DRC7: variants seen among roughly 807,000 people sequenced by gnomAD.
The protein encoded by DRC7 is coiled-coil domain containing 135.
DRC7 carries 80 observed loss-of-function variants against 104.4 expected under a neutral mutation model. The ratio of observed to expected loss-of-function variants is 0.77; its 90% CI spans 0.64 to 0.92. DRC7 has a LOEUF of 0.92. Ranked by LOEUF, DRC7 falls within the 40% of genes least tolerant of loss-of-function variation. The probability of loss-of-function intolerance (pLI) is 0.00; values close to 1 mark genes in which losing one functional copy is unlikely to be tolerated. For missense variants in DRC7, 1,034 were observed against 1,141.1 expected (o/e 0.91, Z 1.35); for synonymous variants, 405 against 447.3 (o/e 0.91, Z 1.19).
rs537511632 is a variant in DRC7, at chr16:57,709,575, A to C, written c.1077+1897A>C. The stretch of plus-strand genomic sequence containing the variant: ...TTTGTTTATATCAAATGTTTTTTTC[A>C]TCTATTAAATGATCATAATTTTTTC... On this transcript the variant is annotated intron_variant, in intron 8 of 18. Coordinates refer to ENST00000360716, the MANE Select transcript of DRC7 (RefSeq NM_001289162.2). Among the ~76,000 whole-genome samples the C allele has an allele frequency of 1.6e-4, 25 of 151,966 alleles. No individual in the cohort carries two copies. The Middle Eastern group carries it at 0.017, about 103-fold the overall frequency.
intron 8 of DRC7, among the ~76,000 whole-genome samples, chr16:57,709,486 C>G (rs76670334): frequency 0.019 from 2,829 of 151,810 alleles, 99 homozygotes; most frequent in African/African-American, 0.064. Flanking sequence ...AGCTAGCTAC[C>G]CTTTATTTAA....
intron 6 of DRC7, among the ~76,000 whole-genome samples, chr16:57,703,184 G>A (rs1376629963): frequency 7.3e-6 from 1 of 136,160 alleles, no homozygotes; most frequent in African/African-American, 2.8e-5. Context: ...TGGCCCTCAA[G>A]GCCCCTTTTT....
At chr16:57,706,782 A>T (rs1458725721) in intron 7 of DRC7, among the ~76,000 whole-genome samples, 6 of 125,554 alleles carry the variant, frequency 4.8e-5, no homozygotes, top group African/African-American at 1.9e-4. Context: ...TGTCTCACTC[A>T]TCCTCCCATC....
chr16:57,721,898 C>A (rs375407958), intron 10 of DRC7, among the ~76,000 whole-genome samples, 159 bp downstream of exon 10: 46 of 152,194 alleles, frequency 3.0e-4, no homozygotes, highest in Non-Finnish European at 4.6e-4. Flanking sequence ...CTCCCTCCCC[C>A]CTTCCTGCCA....
At chr16:57,715,404 G>A (rs1218049289) in intron 8 of DRC7, among the ~76,000 whole-genome samples, 1 of 152,220 alleles carries the variant, frequency 6.6e-6, no homozygotes, top group African/African-American at 2.4e-5. Flanking sequence ...AAGTAAATAA[G>A]TGTCAGAGGG....
In DRC7 at chr16:57,731,502, TC is replaced by T; in HGVS notation, c.*245del. 1.8e-6 allele frequency: 1 copy of T among 556,304 alleles called. No individual in the cohort carries two copies. Among genetic ancestry groups the T allele is most frequent in the Non-Finnish European group, 3.2e-6 (1 of 311,436 alleles). 34.5% of individuals were successfully genotyped at this position (556,304 alleles called of 1,614,324 possible). Reference sequence around the variant, plus strand: ...GCTCCAGCAGCAGCCTTTCTCTTCTTCTGTTATCTATAGCCTGGGACCACCC... The same window carrying T: ...GCTCCAGCAGCAGCCTTTCTCTTCTTTGTTATCTATAGCCTGGGACCACCC... On this transcript the variant is annotated 3_prime_UTR_variant, in exon 19 of 19. Coordinates refer to ENST00000360716, the MANE Select transcript of DRC7 (RefSeq NM_001289162.2).
At position 57,731,537 on chromosome 16, in the gene DRC7, C is replaced by A. The variant is rs1243577852; in HGVS notation, c.*279C>A. On this transcript the variant is annotated 3_prime_UTR_variant, in exon 19 of 19. Coordinates refer to ENST00000360716, the MANE Select transcript of DRC7 (RefSeq NM_001289162.2). ...ATAGCCTGGGACCACCCCCTTCCTC[C>A]CCTTGGCCTGTCGTTTGCTTCCTGT... 2 of 480,962 alleles carry A rather than the reference C, an allele frequency of 4.2e-6. No homozygotes were observed. The highest frequency in any genetic ancestry group is 2.0e-5 in the African/African-American group (1 of 51,190). The allele number at this position is 480,962 out of a possible 1,614,324, so 29.8% of individuals were successfully genotyped here. A position where few individuals can be genotyped will look rare whatever the true frequency, so the allele number is the denominator to read the frequency against.
At chr16:57,729,446 ATGGG>A in intron 17 of DRC7, among the ~76,000 whole-genome samples, 1 of 99,250 alleles carries the variant, frequency 1.0e-5, no homozygotes, top group Non-Finnish European at 2.0e-5. Context: ...AGATGGATGG[ATGGG>A]TGGGTGGATG....
At chr16:57,722,965 C>T in intron 11 of DRC7, 37 bp from the exon 12 acceptor site, 3 of 1,613,460 alleles carry the variant, frequency 1.9e-6, no homozygotes, top group Non-Finnish European at 2.5e-6. Context: ...GCTAGGGGAG[C>T]TGGCCTGGCT....
At chr16:57,709,733 A>G (rs1206691220) in intron 8 of DRC7, among the ~76,000 whole-genome samples, 2 of 152,184 alleles carry the variant, frequency 1.3e-5, no homozygotes, top group Admixed American at 1.3e-4. Flanking sequence ...TGCAACTATC[A>G]CCACTATCTA....
intron 14 of DRC7, 92 bp from the exon 15 acceptor site, chr16:57,726,740 C>T: frequency 1.4e-6 from 1 of 725,390 alleles, no homozygotes; most frequent in South Asian, 1.6e-5. Flanking sequence ...GGTCACACAG[C>T]TGGAAAGTGG....
intron 18 of DRC7, 28 bp from the exon 19 acceptor site, chr16:57,731,137 C>T (rs373459580): frequency 3.3e-5 from 53 of 1,613,562 alleles, no homozygotes; most frequent in Non-Finnish European, 4.2e-5. Flanking sequence ...TAACCCCTCA[C>T]CCTCTTTCCT....
In DRC7 at chr16:57,731,262, C is replaced by A; in HGVS notation, c.*4C>A. The A allele has an allele frequency of 6.2e-7, 1 of 1,610,468 alleles. No individual in the cohort carries two copies. The highest frequency in any genetic ancestry group is 8.5e-7 in the Non-Finnish European group (1 of 1,177,360). On this transcript the variant is annotated 3_prime_UTR_variant, in exon 19 of 19. Coordinates refer to ENST00000360716, the MANE Select transcript of DRC7 (RefSeq NM_001289162.2). ...GCTCCAGAAAATATTCGCTTGATGT[C>A]CCTCCTGGGGCCTCAGCCAGAGCTG...
chr16:57,717,706 A>T (rs1243372321), intron 8 of DRC7, among the ~76,000 whole-genome samples: 12 of 151,852 alleles, frequency 7.9e-5, no homozygotes, highest in Non-Finnish European at 1.8e-4. Context: ...CTCAAAAAAA[A>T]AAAAGAAAAG....
Position 57,724,850 on chromosome 16 carries a change from G to T in DRC7, c.1758+15G>T. On this transcript the variant is annotated intron_variant, in intron 13 of 18. Coordinates refer to ENST00000360716, the MANE Select transcript of DRC7 (RefSeq NM_001289162.2). ...GGCCCATTGTGGTAAGAGCTCGCGGGGGCTGGGGACAGGTCGCCCTCCTTC... is the reference window on the plus strand; with the variant it reads ...GGCCCATTGTGGTAAGAGCTCGCGGTGGCTGGGGACAGGTCGCCCTCCTTC... The T allele has an allele frequency of 6.2e-7, 1 of 1,602,578 alleles. No homozygotes were observed. The highest frequency in any genetic ancestry group is 2.3e-5 in the East Asian group (1 of 44,266).
chr16:57,698,132 C>T lies in DRC7; in HGVS notation c.183C>T (p.Ile61=). 1 of 1,614,154 alleles carries T rather than the reference C, an allele frequency of 6.2e-7. No individual in the cohort carries two copies. Among genetic ancestry groups the T allele is most frequent in the South Asian group, 1.1e-5 (1 of 91,078 alleles). ...AGAAGAAGCTGTCAGAGATCCAGAT[C>T]ACTGTCTCAGCGGAGCTCCCGTGAG... ...DLEKKLSEIQ[I]TVSAELPAFT... is the part of the protein sequence containing the mutation. The change falls in exon 3 of 19, where the codon ATC becomes ATT. Residue 61 remains isoleucine (I), a synonymous_variant. Transcript: ENST00000360716.
At chr16:57,705,133 A>G (rs1182303595) in intron 7 of DRC7, 99 bp downstream of exon 7, 3 of 1,322,992 alleles carry the variant, frequency 2.3e-6, no homozygotes, top group Non-Finnish European at 3.0e-6. Context: ...GTGTGTATGG[A>G]CCCCCCAACT....
intron 17 of DRC7, among the ~76,000 whole-genome samples, chr16:57,730,141 GTGGATGGA>G (rs1305243488): frequency 1.8e-5 from 2 of 112,390 alleles, no homozygotes; most frequent in Admixed American, 1.7e-4. Flanking sequence ...GGGTGGGTGG[GTGGATGGA>G]TGGATGGATG....
intron 9 of DRC7, among the ~76,000 whole-genome samples, chr16:57,719,478 C>G (rs1420441921): frequency 6.6e-6 from 1 of 152,070 alleles, no homozygotes; most frequent in Admixed American, 6.6e-5. Flanking sequence ...AAATCTATGT[C>G]CTAATCTGTT....
Sources: gnomAD v4.1 joint callset for allele counts (sites outside exome capture counted in the v4.1 genomes callset) on GRCh38, gnomAD v4.1.1 for gene constraint, MANE v1.5 for transcripts, NCBI Gene and HGNC (gene_info 2026-07-23, HGNC 2026-07-21) for gene names.